FBXW7: variants seen among roughly 807,000 people sequenced by gnomAD.
The protein encoded by FBXW7 is F-box/WD repeat-containing protein 7.
A neutral mutation model predicts 86.3 loss-of-function variants in FBXW7; 11 were observed. The observed-to-expected ratio is 0.13, with a 90% CI of 0.08 to 0.21. FBXW7 has a LOEUF of 0.21. Ranked by LOEUF, FBXW7 falls within the 10% of genes least tolerant of loss-of-function variation. The pLI, the probability that FBXW7 is intolerant of heterozygous loss-of-function variation, is 1.00. For missense variants in FBXW7, 488 were observed against 847.4 expected, an observed-to-expected ratio of 0.58 and a Z score of 5.27; for synonymous variants, 313 against 297.9, an observed-to-expected ratio of 1.05 and a Z score of -0.52.
intron 2 of FBXW7, among the ~76,000 whole-genome samples, chr4:152,531,750 A>G (rs1750041300): frequency 6.6e-6 from 1 of 152,118 alleles, no homozygotes; most frequent in African/African-American, 2.4e-5. Context: ...TGCACAGTGA[A>G]CTTTAAAACA....
intron 4 of FBXW7, chr4:152,382,323 C>G: frequency 6.4e-7 from 1 of 1,573,338 alleles, no homozygotes; most frequent in Non-Finnish European, 8.6e-7. Context: ...GTAGGTTTTC[C>G]CGGTTTTGAC....
At chr4:152,476,873 G>A (rs1744445872) in intron 2 of FBXW7, among the ~76,000 whole-genome samples, 1 of 152,096 alleles carries the variant, frequency 6.6e-6, no homozygotes, top group South Asian at 2.1e-4. Context: ...AGTGTTGGGA[G>A]ACAAAGACAG....
intron 5 of FBXW7, 21 bp downstream of exon 5, chr4:152,350,021 A>G (rs1220834450): frequency 2.3e-6 from 3 of 1,314,478 alleles, no homozygotes; most frequent in Non-Finnish European, 2.1e-6. Flanking sequence ...ATCATGAGAT[A>G]ATCATTATAT....
intron 6 of FBXW7, among the ~76,000 whole-genome samples, chr4:152,338,283 A>G (rs746728743): frequency 2.0e-5 from 3 of 152,084 alleles, no homozygotes; most frequent in Non-Finnish European, 4.4e-5. Flanking sequence ...TGAGTAAATA[A>G]TAGAAAATTT....
At chr4:152,493,103 G>A (rs1455456132) in intron 2 of FBXW7, among the ~76,000 whole-genome samples, 1 of 151,714 alleles carries the variant, frequency 6.6e-6, no homozygotes, top group Non-Finnish European at 1.5e-5. Context: ...AAAAAAGGCT[G>A]AAGAGCAATA....
At chr4:152,403,240 G>C (rs1369464257) in intron 4 of FBXW7, among the ~76,000 whole-genome samples, 1 of 152,180 alleles carries the variant, frequency 6.6e-6, no homozygotes, top group Non-Finnish European at 1.5e-5. Flanking sequence ...CACTTTGAGA[G>C]GCCAAGGCAG....
chr4:152,331,161 G>T (rs917261417), intron 8 of FBXW7, among the ~76,000 whole-genome samples: 1 of 151,972 alleles, frequency 6.6e-6, no homozygotes, highest in African/African-American at 2.4e-5. Context: ...CAGCTGCTGT[G>T]GAAAATAGTC....
chr4:152,375,782 G>A (rs1199232021), intron 4 of FBXW7, among the ~76,000 whole-genome samples: 1 of 152,008 alleles, frequency 6.6e-6, no homozygotes, highest in Non-Finnish European at 1.5e-5. Flanking sequence ...TTTTTGAACT[G>A]ATACAATTTT....
intron 2 of FBXW7, among the ~76,000 whole-genome samples, chr4:152,460,444 A>C (rs1382317503): frequency 6.6e-6 from 1 of 152,204 alleles, no homozygotes; most frequent in Non-Finnish European, 1.5e-5. Context: ...CCTCCTGTAG[A>C]TGGTACTTGC....
chr4:152,472,027 C>A (rs1453479972), intron 2 of FBXW7, among the ~76,000 whole-genome samples: 2 of 151,948 alleles, frequency 1.3e-5, no homozygotes, highest in African/African-American at 4.8e-5. Flanking sequence ...AAAAATACTT[C>A]AACTCAACAA....
At chr4:152,323,194 G>C (rs747710182) in intron 13 of FBXW7, 45 bp from the exon 14 acceptor site, 2 of 1,580,234 alleles carry the variant, frequency 1.3e-6, no homozygotes, top group African/African-American at 2.7e-5. Flanking sequence ...AGAAATAATG[G>C]CTATGAGTTA....
chr4:152,444,889 T>G (rs1455719866), intron 2 of FBXW7, among the ~76,000 whole-genome samples: 2 of 152,178 alleles, frequency 1.3e-5, no homozygotes. Flanking sequence ...TGGACTGCAG[T>G]GGCACAATAA....
At chr4:152,497,343 CCACACACACACA>C (rs753468896) in intron 2 of FBXW7, among the ~76,000 whole-genome samples, 8 of 86,940 alleles carry the variant, frequency 9.2e-5, no homozygotes, top group South Asian at 3.9e-4. Context: ...AAAAAAAAAA[CCACACACACACA>C]CACACACACA....
At chr4:152,421,630 T>C (rs923126787) in intron 2 of FBXW7, among the ~76,000 whole-genome samples, 3 of 152,238 alleles carry the variant, frequency 2.0e-5, no homozygotes, top group Non-Finnish European at 4.4e-5. Context: ...TTTTGCCCTG[T>C]CTCTGCTTTC....
intron 2 of FBXW7, among the ~76,000 whole-genome samples, chr4:152,528,621 G>A (rs1749742108): frequency 6.6e-6 from 1 of 152,098 alleles, no homozygotes; most frequent in African/African-American, 2.4e-5. Context: ...AGTTGTAATA[G>A]GAAGAAATTT....
chr4:152,480,677 AG>A (rs1034043078), intron 2 of FBXW7, among the ~76,000 whole-genome samples: 1 of 152,236 alleles, frequency 6.6e-6, no homozygotes, highest in Admixed American at 6.5e-5. Context: ...CATGAATAAT[AG>A]GAACAAGAAA....
intron 4 of FBXW7, among the ~76,000 whole-genome samples, chr4:152,406,075 C>T (rs1737396595): frequency 6.6e-6 from 1 of 152,110 alleles, no homozygotes; most frequent in African/African-American, 2.4e-5. Context: ...GTCTTCCCTA[C>T]CACCAACAAA....
intron 2 of FBXW7, among the ~76,000 whole-genome samples, chr4:152,416,301 A>G (rs1159452338): frequency 1.3e-5 from 2 of 152,170 alleles, no homozygotes; most frequent in Admixed American, 6.6e-5. Context: ...TACATTTTTT[A>G]AAGTTGTACT....
chr4:152,445,085 C>T (rs530993800), intron 2 of FBXW7, among the ~76,000 whole-genome samples: 1 of 152,262 alleles, frequency 6.6e-6, no homozygotes, highest in African/African-American at 2.4e-5. Flanking sequence ...CTCTACCTCC[C>T]AAAGCGCTAG....
Sources: gnomAD v4.1 joint callset for allele counts (sites outside exome capture counted in the v4.1 genomes callset) on GRCh38, gnomAD v4.1.1 for gene constraint, MANE v1.5 for transcripts, NCBI Gene and HGNC (gene_info 2026-07-23, HGNC 2026-07-21) for gene names.